VEPH1: variants seen among roughly 807,000 people sequenced by gnomAD.
VEPH1 encodes ventricular zone expressed PH domain containing 1.
A neutral mutation model predicts 85.2 loss-of-function variants in VEPH1; 80 were observed. The ratio of observed to expected loss-of-function variants is 0.94; its 90% CI spans 0.78 to 1.13. The LOEUF (loss-of-function observed/expected upper bound fraction) is 1.13, where lower values mean the gene tolerates loss of function less well. VEPH1 is among the 50% of genes most tolerant of loss of function. VEPH1 has a pLI of 0.00. For missense variants in VEPH1, 955 were observed against 980.5 expected (o/e 0.97, Z 0.35); for synonymous variants, 297 against 348.0 (o/e 0.85, Z 1.63).
chr3:157,296,418 TGC>T lies in VEPH1; in HGVS notation c.2011-9746_2011-9745del, dbSNP rs1718149938. On this transcript the variant is annotated intron_variant, in intron 11 of 13. Transcript: ENST00000362010. ...GAGGAAGAAAGGTTCTGCGTGTGTA[TGC>T]GTGTGTGGGCTTCCTTGGTACCCCT... 1.3e-5 allele frequency among the ~76,000 whole-genome samples: 2 copies of T among 152,190 alleles called. 1 individual carries two copies. Among genetic ancestry groups the T allele is most frequent in the South Asian group, 4.1e-4 (2 of 4,828 alleles).
intron 2 of VEPH1, 117 bp downstream of exon 2, chr3:157,495,095 C>A: frequency 9.5e-7 from 1 of 1,049,944 alleles, no homozygotes; most frequent in Non-Finnish European, 1.4e-6. Flanking sequence ...TAAGAGAGAC[C>A]AATATTAGTG....
intron 3 of VEPH1, among the ~76,000 whole-genome samples, chr3:157,468,893 T>A (rs1219670496): frequency 6.6e-6 from 1 of 152,142 alleles, no homozygotes; most frequent in Admixed American, 6.5e-5. Context: ...CCACTCACCC[T>A]GGGACGAGAA....
intron 3 of VEPH1, among the ~76,000 whole-genome samples, chr3:157,463,359 G>A (rs1378800): frequency 0.41 from 62,150 of 151,978 alleles, 13,088 homozygotes; most frequent in African/African-American, 0.49. Context: ...CTATTCTTTG[G>A]CGATAAATCA....
chr3:157,394,951 AC>A (rs1399897615), intron 6 of VEPH1, among the ~76,000 whole-genome samples: 2 of 152,022 alleles, frequency 1.3e-5, no homozygotes, highest in Non-Finnish European at 2.9e-5. Flanking sequence ...CTTCTGGGGA[AC>A]TTTTCCCTAG....
chr3:157,440,703 T>C, intron 4 of VEPH1, among the ~76,000 whole-genome samples: 1 of 152,094 alleles, frequency 6.6e-6, no homozygotes, highest in East Asian at 1.9e-4. Flanking sequence ...TATTTATGTA[T>C]ATAGATGCAG....
chr3:157,316,977 G>A, intron 10 of VEPH1, 85 bp downstream of exon 10: 1 of 1,414,576 alleles, frequency 7.1e-7, no homozygotes. Flanking sequence ...ATCAACTCTG[G>A]CCAAAGAATA....
At chr3:157,482,291 C>G (rs1469264466) in intron 2 of VEPH1, among the ~76,000 whole-genome samples, 3 of 152,000 alleles carry the variant, frequency 2.0e-5, no homozygotes, top group African/African-American at 7.3e-5. Flanking sequence ...TGATGGGATC[C>G]CAACTCACCG....
chr3:157,353,366 C>T (rs1725087723), intron 9 of VEPH1, among the ~76,000 whole-genome samples: 1 of 152,062 alleles, frequency 6.6e-6, no homozygotes, highest in South Asian at 2.1e-4. Flanking sequence ...CTCCTGGGCT[C>T]AAGTGATTCT....
chr3:157,418,899 CTG>C (rs1003381478), intron 5 of VEPH1, among the ~76,000 whole-genome samples: 2 of 152,164 alleles, frequency 1.3e-5, no homozygotes, highest in Non-Finnish European at 2.9e-5. Context: ...AAGAATAAAA[CTG>C]GAGGCGTTAT....
chr3:157,444,868 A>C (rs1734423991), intron 4 of VEPH1, among the ~76,000 whole-genome samples: 1 of 152,248 alleles, frequency 6.6e-6, no homozygotes, highest in South Asian at 2.1e-4. Context: ...TAGAAATTTC[A>C]TCTGTTAGAG....
At chr3:157,492,069 A>G (rs1433902104) in intron 2 of VEPH1, among the ~76,000 whole-genome samples, 1 of 152,132 alleles carries the variant, frequency 6.6e-6, no homozygotes, top group African/African-American at 2.4e-5. Flanking sequence ...TCCTTTGAGG[A>G]TTAAACCAAT....
Position 157,437,702 on chromosome 3 carries a change from C to T in VEPH1, c.530-9214G>A, listed in dbSNP as rs1430005190. 3 of 1,531,754 alleles carry T rather than the reference C, an allele frequency of 2.0e-6. No individual in the cohort carries two copies. The Admixed American group carries it at 5.9e-5, about 30-fold the overall frequency. 94.9% of individuals were successfully genotyped at this position (1,531,754 alleles called of 1,614,324 possible). The stretch of plus-strand genomic sequence containing the variant: ...CTGGCGAGGCCGTGCGCGCCGGGGG[C>T]TCCCGCAGAGGCCAGGCTGACCAGT... On this transcript the variant is annotated intron_variant, in intron 4 of 13. Coordinates refer to ENST00000362010, the MANE Select transcript of VEPH1 (RefSeq NM_001167912.2).
chr3:157,450,262 C>T (rs949115240), intron 4 of VEPH1, among the ~76,000 whole-genome samples: 5 of 151,688 alleles, frequency 3.3e-5, no homozygotes, highest in East Asian at 1.9e-4. Flanking sequence ...TTGCTATGTT[C>T]CCGAGGCTGG....
intron 12 of VEPH1, among the ~76,000 whole-genome samples, chr3:157,272,317 C>CCTCT (rs370989598): frequency 1.4e-5 from 2 of 141,068 alleles, no homozygotes; most frequent in African/African-American, 2.6e-5. Flanking sequence ...TCTCTCTCTC[C>CCTCT]CTCTCTCTCT....
At chr3:157,333,959 G>A (rs1331098392) in intron 9 of VEPH1, among the ~76,000 whole-genome samples, 2 of 152,086 alleles carry the variant, frequency 1.3e-5, no homozygotes, top group East Asian at 3.9e-4. Flanking sequence ...TTCTGGGCTG[G>A]CCACCATCAG....
chr3:157,329,234 A>G (rs1412287238), intron 9 of VEPH1, among the ~76,000 whole-genome samples: 1 of 152,156 alleles, frequency 6.6e-6, no homozygotes, highest in African/African-American at 2.4e-5. Flanking sequence ...GTTATGTGGC[A>G]CATTCCCATC....
At chr3:157,273,320 C>T (rs1714959971) in intron 12 of VEPH1, among the ~76,000 whole-genome samples, 1 of 152,134 alleles carries the variant, frequency 6.6e-6, no homozygotes. Flanking sequence ...TATTGAGATG[C>T]AGAGAAATGC....
chr3:157,277,038 C>T (rs1715488681), intron 12 of VEPH1, among the ~76,000 whole-genome samples: 2 of 152,096 alleles, frequency 1.3e-5, no homozygotes, highest in African/African-American at 2.4e-5. Context: ...GGACTACAGG[C>T]ATGCGCCACC....
chr3:157,374,283 C>G lies in VEPH1; in HGVS notation c.1127+6873G>C, dbSNP rs1007292135. On this transcript the variant is annotated intron_variant, in intron 7 of 13. Transcript: ENST00000362010. ...GACCTCTCTAGATTGAAAAGAGATA[C>G]TCGTTTCCTATCAAAACTCTTGTTT... 6.6e-5 allele frequency among the ~76,000 whole-genome samples: 10 copies of G among 151,602 alleles called. No homozygotes were observed. The Middle Eastern group carries it at 0.01, about 155-fold the overall frequency.
Sources: gnomAD v4.1 joint callset for allele counts (sites outside exome capture counted in the v4.1 genomes callset) on GRCh38, gnomAD v4.1.1 for gene constraint, MANE v1.5 for transcripts, NCBI Gene and HGNC (gene_info 2026-07-23, HGNC 2026-07-21) for gene names.